Variants in CPPED1 observed in about 807,000 individuals in gnomAD.
CPPED1 encodes the protein serine/threonine-protein phosphatase CPPED1.
In CPPED1, 28 loss-of-function variants were observed where a neutral mutation model predicts 28.0. That is an observed-to-expected ratio of 1.00 (90% CI 0.74 to 1.37). CPPED1 has a LOEUF of 1.37. Ranked by LOEUF, CPPED1 falls within the 40% of genes most tolerant of loss-of-function variation. The probability of loss-of-function intolerance (pLI) is 0.00; values close to 1 mark genes in which losing one functional copy is unlikely to be tolerated. For synonymous variants in CPPED1, 198 were observed against 180.2 expected (o/e 1.10, Z -0.79); for missense variants, 504 against 416.5 (o/e 1.21, Z -1.83).
intron 2 of CPPED1, among the ~76,000 whole-genome samples, chr16:12,705,981 T>C (rs1298894970): frequency 2.6e-5 from 4 of 152,192 alleles, no homozygotes; most frequent in Admixed American, 6.5e-5. Flanking sequence ...GATTGATCTG[T>C]CTCTTTCTGT....
In CPPED1 at chr16:12,664,031, T is replaced by A. The variant is rs1450945586; in HGVS notation, c.*855A>T. 1 of 152,202 alleles carries A rather than the reference T, an allele frequency of 6.6e-6. No individual in the cohort carries two copies. The highest frequency in any genetic ancestry group is 1.5e-5 in the Non-Finnish European group (1 of 68,052). The allele number at this position is 152,202 out of a possible 1,614,324, so 9.4% of individuals were successfully genotyped here. On this transcript the variant is annotated 3_prime_UTR_variant, in exon 4 of 4. Coordinates refer to ENST00000381774, the MANE Select transcript of CPPED1 (RefSeq NM_018340.3). This position sits in a 1 kb window ranked among gnomAD's most constrained non-coding sequence, Gnocchi z 4.2. ...GCTCTGCATACATTCCCACTTTTCC[T>A]GTCAAAGTGGACAAAATGAAGAGTC... is the stretch of plus-strand genomic sequence containing the variant.
At chr16:12,708,507 T>A (rs1264498315) in intron 2 of CPPED1, among the ~76,000 whole-genome samples, 1 of 152,164 alleles carries the variant, frequency 6.6e-6, no homozygotes, top group Non-Finnish European at 1.5e-5. Context: ...AATTCTTCCA[T>A]TTTTATCAGC....
intron 2 of CPPED1, among the ~76,000 whole-genome samples, chr16:12,769,785 G>C (rs1184246635): frequency 1.3e-5 from 2 of 152,142 alleles, no homozygotes; most frequent in Non-Finnish European, 2.9e-5. Context: ...GCCCATTCCA[G>C]AGGCTGGTGA....
rs554915856 is a variant in CPPED1 at position 12,660,063 on chromosome 16, C to G, written c.*4823G>C. 1 of 152,346 alleles carries G rather than the reference C, an allele frequency of 6.6e-6. No individual in the cohort carries two copies. The highest frequency in any genetic ancestry group is 2.1e-4 in the South Asian group (1 of 4,830). The allele number at this position is 152,346 out of a possible 1,614,324, so 9.4% of individuals were successfully genotyped here. A position where few individuals can be genotyped will look rare whatever the true frequency, so the allele number is the denominator to read the frequency against. ...TGACACATGGGGATTATGGGGATTA[C>G]AATTCGAGATGAGATTTCAGTGGGG... On this transcript the variant is annotated 3_prime_UTR_variant, in exon 4 of 4. Transcript: ENST00000381774.
intron 3 of CPPED1, among the ~76,000 whole-genome samples, chr16:12,677,024 T>C (rs185372206): frequency 6.6e-6 from 1 of 152,192 alleles, no homozygotes; most frequent in Admixed American, 6.5e-5. Context: ...TAAAGACACA[T>C]CAGGTGAGGG....
At chr16:12,701,660 G>T (rs934288242) in intron 3 of CPPED1, among the ~76,000 whole-genome samples, 1 of 152,218 alleles carries the variant, frequency 6.6e-6, no homozygotes, top group Non-Finnish European at 1.5e-5. Flanking sequence ...TGGGGGTGGA[G>T]GGAAGCCTCA....
At position 12,787,494 on chromosome 16, in the gene CPPED1, G is replaced by A. The variant is rs371708651; in HGVS notation, c.71-6091C>T. Reference sequence around the variant, plus strand: ...GGTCTCAGCTCACTGCAACCTCTGCGTCTCGGTTCAAGTGATTCTCCCACC... The same window carrying A: ...GGTCTCAGCTCACTGCAACCTCTGCATCTCGGTTCAAGTGATTCTCCCACC... On this transcript the variant is annotated intron_variant, in intron 1 of 3. Coordinates refer to ENST00000381774, the MANE Select transcript of CPPED1 (RefSeq NM_018340.3). 6.9e-4 allele frequency among the ~76,000 whole-genome samples: 103 copies of A among 149,852 alleles called. 1 individual carries two copies. Among genetic ancestry groups the A allele is most frequent in the African/African-American group, 2.1e-3 (85 of 40,494 alleles).
At chr16:12,740,653 A>G (rs2080250537) in intron 2 of CPPED1, among the ~76,000 whole-genome samples, 1 of 152,170 alleles carries the variant, frequency 6.6e-6, no homozygotes, top group African/African-American at 2.4e-5. Flanking sequence ...CCACTCCTTT[A>G]TATAGCAGGG....
chr16:12,773,801 C>A (rs2080482829), intron 2 of CPPED1, among the ~76,000 whole-genome samples: 1 of 152,198 alleles, frequency 6.6e-6, no homozygotes, highest in South Asian at 2.1e-4. Context: ...CGTGAACAAT[C>A]TGTGGTGATT....
At chr16:12,737,253 G>A (rs927414454) in intron 2 of CPPED1, among the ~76,000 whole-genome samples, 3 of 152,012 alleles carry the variant, frequency 2.0e-5, no homozygotes, top group Admixed American at 2.0e-4. Context: ...GGTAACATTT[G>A]AGCAACAACT....
At chr16:12,787,995 T>C (rs1194551633) in intron 1 of CPPED1, among the ~76,000 whole-genome samples, 1 of 152,166 alleles carries the variant, frequency 6.6e-6, no homozygotes, top group Non-Finnish European at 1.5e-5. Flanking sequence ...TTCAGCTCCT[T>C]GTAGGTTGTA....
At chr16:12,792,216 G>C (rs964796140) in intron 1 of CPPED1, among the ~76,000 whole-genome samples, 1 of 152,268 alleles carries the variant, frequency 6.6e-6, no homozygotes, top group African/African-American at 2.4e-5. Context: ...GCCTCCCAAA[G>C]TGCTGGGATT....
At chr16:12,786,820 G>A (rs1312016663) in intron 1 of CPPED1, among the ~76,000 whole-genome samples, 3 of 152,170 alleles carry the variant, frequency 2.0e-5, no homozygotes, top group African/African-American at 4.8e-5. Flanking sequence ...TCAGGAGGCC[G>A]GAGAATCTCT....
In CPPED1 at chr16:12,704,731, A is replaced by T; in HGVS notation, c.608T>A (p.Phe203Tyr). 3.1e-6 allele frequency: 5 copies of T among 1,614,218 alleles called. No homozygotes were observed. Among genetic ancestry groups the T allele is most frequent in the Non-Finnish European group, 4.2e-6 (5 of 1,180,030 alleles). ...CTCCAGGAACAGCGGGATGTGCTGGAAGACGATGGCATGCTGGCAGTGCCG... is the reference window on the plus strand; with the variant it reads ...CTCCAGGAACAGCGGGATGTGCTGGTAGACGATGGCATGCTGGCAGTGCCG... ...RQRHCQHAIVFQHIPLFLESI... is the reference protein window; with the variant it reads ...RQRHCQHAIVYQHIPLFLESI... Residue 203 changes from phenylalanine to tyrosine, a missense_variant, in exon 3 of 4, where the codon TTC becomes TAC. Coordinates refer to ENST00000381774, the MANE Select transcript of CPPED1 (RefSeq NM_018340.3).
At chr16:12,703,496 A>G (rs1264118430) in intron 3 of CPPED1, among the ~76,000 whole-genome samples, 2 of 152,198 alleles carry the variant, frequency 1.3e-5, no homozygotes, top group Non-Finnish European at 2.9e-5. Flanking sequence ...AGCCTGGACA[A>G]CATGGTGAAA....
chr16:12,726,360 T>A (rs1297729201), intron 2 of CPPED1, among the ~76,000 whole-genome samples: 8 of 84,568 alleles, frequency 9.5e-5, no homozygotes, highest in Admixed American at 1.4e-4. Flanking sequence ...TTTTTTTTTT[T>A]AATACAGAGT....
intron 1 of CPPED1, among the ~76,000 whole-genome samples, chr16:12,791,956 CTT>C (rs371249356): frequency 6.9e-6 from 1 of 145,502 alleles, no homozygotes. Flanking sequence ...CCAGCGGTAT[CTT>C]TTTTTTTTTT....
At chr16:12,707,250 T>A (rs1009842724) in intron 2 of CPPED1, among the ~76,000 whole-genome samples, 1 of 152,082 alleles carries the variant, frequency 6.6e-6, no homozygotes, top group Non-Finnish European at 1.5e-5. Flanking sequence ...CCCTCTCACT[T>A]CTTCTTCTTT....
chr16:12,790,694 G>A (rs1342891185), intron 1 of CPPED1, among the ~76,000 whole-genome samples: 5 of 152,068 alleles, frequency 3.3e-5, no homozygotes, highest in East Asian at 3.9e-4. Flanking sequence ...GCCGAGTGGC[G>A]GGGCGGGGGT....
Sources: gnomAD v4.1 joint callset for allele counts (sites outside exome capture counted in the v4.1 genomes callset) on GRCh38, gnomAD v4.1.1 for gene constraint, Gnocchi (gnomAD v3.1) non-coding constraint, MANE v1.5 for transcripts, NCBI Gene and HGNC (gene_info 2026-07-23, HGNC 2026-07-21) for gene names.